Variants in CATSPERD observed in about 807,000 individuals in gnomAD.
CATSPERD encodes the protein catsper channel auxiliary subunit delta.
In CATSPERD, 86 loss-of-function variants were observed where a neutral mutation model predicts 98.1. That is an observed-to-expected ratio of 0.88 (90% CI 0.74 to 1.05). The LOEUF is 1.05. Among genes scored for constraint, CATSPERD ranks in the 50% least tolerant of loss-of-function variants. The probability of loss-of-function intolerance (pLI) is 0.00; values close to 1 mark genes in which losing one functional copy is unlikely to be tolerated. For synonymous variants in CATSPERD, 394 were observed against 390.2 expected (o/e 1.01, Z -0.12); for missense variants, 995 against 1,005.7 (o/e 0.99, Z 0.14).
Position 5,744,443 on chromosome 19 carries a change from C to G in CATSPERD, c.590C>G (p.Ser197Cys). The G allele has an allele frequency of 6.2e-7, 1 of 1,611,976 alleles. No individual in the cohort carries two copies. Among genetic ancestry groups the G allele is most frequent in the Non-Finnish European group, 8.5e-7 (1 of 1,178,628 alleles). The change falls in exon 8 of 22, where the codon TCT (serine) becomes TGT (cysteine). Residue 197 changes from serine (S) to cysteine (C), a missense_variant. This residue lies in a region of CATSPERD where 762 missense variants were observed against 773.7 expected (regional missense o/e 0.98). Coordinates refer to ENST00000381624, the MANE Select transcript of CATSPERD (RefSeq NM_152784.4). The part of the protein sequence containing the change: ...HYDRQAEIIG[S>C]LGGIFHFFSL... The stretch of plus-strand genomic sequence containing the variant: ...GTTTCATAGGCAGAAATCATTGGGT[C>G]TTTAGGCGGAATCTTCCACTTTTTT...
Position 5,773,036 on chromosome 19 carries a change from A to G in CATSPERD, c.1941+71A>G, listed in dbSNP as rs1330977191. On this transcript the variant is annotated intron_variant, in intron 20 of 21. Coordinates refer to ENST00000381624, the MANE Select transcript of CATSPERD (RefSeq NM_152784.4). ...AGGGGGTGGGAGAGTGCGTGAGGAC[A>G]CCGTGCGGCCATGGAACTGAGTATG... 8 of 1,470,940 alleles carry G rather than the reference A, an allele frequency of 5.4e-6. No homozygotes were observed. The Admixed American group carries it at 1.6e-4, about 29-fold the overall frequency. The allele number at this position is 1,470,940 out of a possible 1,614,324, so 91.1% of individuals were successfully genotyped here. A position where few individuals can be genotyped will look rare whatever the true frequency, so the allele number is the denominator to read the frequency against.
At position 5,751,718 on chromosome 19, in the gene CATSPERD, G is replaced by T; in HGVS notation, c.1059G>T (p.Leu353=). 6.2e-7 allele frequency: 1 copy of T among 1,613,878 alleles called. No individual in the cohort carries two copies. The highest frequency in any genetic ancestry group is 1.7e-4 in the Middle Eastern group (1 of 6,008). The change falls in exon 12 of 22, where the codon CTG becomes CTT. Residue 353 remains leucine (L), a synonymous_variant. Transcript: ENST00000381624. ...GGAGCCCAGGGACTCTGGAAATACT[G>T]ACCCCACTGCGTGACACAGCCTTTC... ...MFRSPGTLEI[L]TPLRDTAFPA...
At chr19:5,753,088 G>GA (rs1199526470) in intron 12 of CATSPERD, among the ~76,000 whole-genome samples, 1 of 151,478 alleles carries the variant, frequency 6.6e-6, no homozygotes, top group East Asian at 1.9e-4. Flanking sequence ...GGTCCAGGTT[G>GA]GTCTCAAACC....
chr19:5,758,816 T>C (rs2056377379), intron 14 of CATSPERD, among the ~76,000 whole-genome samples: 1 of 145,326 alleles, frequency 6.9e-6, no homozygotes, highest in South Asian at 2.2e-4. Flanking sequence ...TCCAGCTACT[T>C]GGGAGGATGA....
intron 18 of CATSPERD, 97 bp from the exon 19 acceptor site, chr19:5,770,847 G>T: frequency 1.4e-6 from 2 of 1,433,206 alleles, no homozygotes; most frequent in Admixed American, 2.2e-5. Context: ...TCTCATGGAC[G>T]ATCCCCATTT....
At chr19:5,763,847 C>CTATTTTTTTTT (rs2056488153) in intron 16 of CATSPERD, among the ~76,000 whole-genome samples, 1 of 62,120 alleles carries the variant, frequency 1.6e-5, no homozygotes, top group African/African-American at 5.2e-5. Context: ...TCTTGAACTC[C>CTATTTTTTTTT]TTTTTTTTTT....
chr19:5,762,520 G>C (rs184762741), intron 15 of CATSPERD, among the ~76,000 whole-genome samples: 109 of 152,268 alleles, frequency 7.2e-4, no homozygotes, highest in African/African-American at 2.6e-3. Context: ...TGGGGACATA[G>C]AACCAAACCA....
chr19:5,772,654 C>A (rs1943975913), intron 19 of CATSPERD, 134 bp from the exon 20 acceptor site: 3 of 829,734 alleles, frequency 3.6e-6, no homozygotes, highest in Non-Finnish European at 5.8e-6. Flanking sequence ...CTGGGAGCGG[C>A]AGGCGTCCTT....
At chr19:5,771,537 C>T (rs778057443) in intron 19 of CATSPERD, among the ~76,000 whole-genome samples, 8 of 151,702 alleles carry the variant, frequency 5.3e-5, no homozygotes, top group African/African-American at 1.7e-4. Flanking sequence ...TGCGCCCGGC[C>T]GATGGGCTTT....
intron 18 of CATSPERD, 64 bp from the exon 19 acceptor site, chr19:5,770,880 G>A: frequency 6.5e-7 from 1 of 1,533,122 alleles, no homozygotes; most frequent in Non-Finnish European, 8.8e-7. Flanking sequence ...CTGCGGCTGT[G>A]AAGGGTTGGC....
At chr19:5,743,665 TTC>T (rs2056036895) in intron 7 of CATSPERD, among the ~76,000 whole-genome samples, 6 of 141,166 alleles carry the variant, frequency 4.3e-5, no homozygotes, top group Admixed American at 1.5e-4. Flanking sequence ...TCTCTCTCTC[TTC>T]CTCTCTCTCT....
chr19:5,731,091 C>CAA (rs762460181), intron 4 of CATSPERD, among the ~76,000 whole-genome samples: 2 of 75,082 alleles, frequency 2.7e-5, no homozygotes, highest in Non-Finnish European at 5.5e-5. Context: ...GACTCCGTCT[C>CAA]AAAAAAAAAA....
rs531511907 is a variant in CATSPERD at position 5,750,713 on chromosome 19, C to T, written c.988-934C>T. ...TCGTGCCACTGCACTCCAGCCTGGG[C>T]GACAGAGTGAGGCTCCATCTCAAAA... On this transcript the variant is annotated intron_variant, in intron 11 of 21. Coordinates refer to ENST00000381624, the MANE Select transcript of CATSPERD (RefSeq NM_152784.4). Among the ~76,000 whole-genome samples the T allele has an allele frequency of 1.6e-4, 24 of 151,214 alleles. 1 individual carries two copies. The South Asian group carries it at 4.4e-3, about 28-fold the overall frequency.
In CATSPERD at chr19:5,772,794, A is replaced by G. The variant is rs1449335801; in HGVS notation, c.1770A>G (p.Arg590=). 3 of 1,613,630 alleles carry G rather than the reference A, an allele frequency of 1.9e-6. No individual in the cohort carries two copies. Among genetic ancestry groups the G allele is most frequent in the Non-Finnish European group, 1.7e-6 (2 of 1,179,744 alleles). The change falls in exon 20 of 22, where the codon CGA becomes CGG. Residue 590 remains arginine (R), a synonymous_variant. Transcript: ENST00000381624. ...TLWKPVVELW[R]KDSFQEVIDA... ...CCCCGTGCCTGTGTCCTAGGTGGCG[A>G]AAAGACAGTTTCCAGGAGGTCATCG...
chr19:5,758,041 G>A, intron 14 of CATSPERD, 109 bp downstream of exon 14: 1 of 860,798 alleles, frequency 1.2e-6, no homozygotes, highest in Non-Finnish European at 1.7e-6. Context: ...CATAGCCCGT[G>A]GCCGTGCCCC....
At chr19:5,762,058 A>ATATATATATATATATATATATATTTT in intron 15 of CATSPERD, among the ~76,000 whole-genome samples, 1 of 10,438 alleles carries the variant, frequency 9.6e-5, no homozygotes, top group Non-Finnish European at 1.8e-4. Context: ...ATATATATAT[A>ATATATATATATATATATATATATTTT]TTTTTTTTTT....
rs761733551 is a variant in CATSPERD at position 5,739,365 on chromosome 19, C to G, written c.499C>G (p.Gln167Glu). Residue 167 changes from glutamine (Q) to glutamate (E), a missense_variant, in exon 7 of 22, where the codon CAG (glutamine) becomes GAG (glutamate). Physicochemically the swap from Gln to Glu is conservative, Grantham distance 29. Around this residue, in one of 3 missense-constraint regions of CATSPERD, gnomAD observed 228 missense variants for 209.6 expected, o/e 1.09. Transcript: ENST00000381624. ...NLVFAYFRGD[Q>E]ISQTYIYYSN... ...GGTTTTTGCATATTTCCGTGGAGAT[C>G]AGATATCCCAGACTTATATATATTA... 3 of 1,586,024 alleles carry G rather than the reference C, an allele frequency of 1.9e-6. No homozygotes were observed. Among genetic ancestry groups the G allele is most frequent in the South Asian group, 2.3e-5 (2 of 85,858 alleles).
At chr19:5,769,678 C>T (rs953984302) in intron 18 of CATSPERD, among the ~76,000 whole-genome samples, 15 of 152,108 alleles carry the variant, frequency 9.9e-5, no homozygotes, top group Non-Finnish European at 1.9e-4. Context: ...TTCTGGGCTG[C>T]TAAGGGGCAG....
At chr19:5,768,142 T>C (rs2056577700) in intron 17 of CATSPERD, 26 bp from the exon 18 acceptor site, 1 of 1,606,878 alleles carries the variant, frequency 6.2e-7, no homozygotes, top group Non-Finnish European at 8.5e-7. Context: ...GTCATGCCAT[T>C]GCTCAATGTC....
Sources: gnomAD v4.1 joint callset for allele counts (sites outside exome capture counted in the v4.1 genomes callset) on GRCh38, gnomAD v4.1.1 for gene constraint, gnomAD v4.1.1 regional missense constraint, MANE v1.5 for transcripts, NCBI Gene and HGNC (gene_info 2026-07-23, HGNC 2026-07-21) for gene names.